The following APEX2 variants were observed in gnomAD, a reference collection of about 807,000 sequenced individuals.
The protein encoded by APEX2 is DNA-(apurinic or apyrimidinic site) endonuclease 2.
A neutral mutation model predicts 16.7 loss-of-function variants in APEX2; 4 were observed. The observed-to-expected ratio is 0.24, with a 90% CI of 0.12 to 0.55. APEX2 has a LOEUF of 0.55. APEX2 is among the 20% of genes least tolerant of loss of function. The probability of loss-of-function intolerance (pLI) is 0.94; values close to 1 mark genes in which losing one functional copy is unlikely to be tolerated. For synonymous variants in APEX2, 181 were observed against 166.9 expected (o/e 1.08, Z -0.65); for missense variants, 357 against 433.6 (o/e 0.82, Z 1.57).
intron 5 of APEX2, among the ~76,000 whole-genome samples, chrX:55,004,982 T>G (rs946472239): frequency 2.1e-4 from 23 of 111,842 alleles, no homozygotes; most frequent in Non-Finnish European, 3.8e-5. Flanking sequence ...TCATCTTTTC[T>G]TGCCTTATGT....
In APEX2 at chrX:55,003,037, G is replaced by A. The variant is rs1284805845; in HGVS notation, c.498G>A (p.Glu166=). The A allele has an allele frequency of 2.5e-6, 3 of 1,211,901 alleles. No homozygotes were observed. The highest frequency in any genetic ancestry group is 2.2e-5 in the Admixed American group (1 of 46,107). The change falls in exon 4 of 6, where the codon GAG becomes GAA. Residue 166 remains glutamate (E), a synonymous_variant. Transcript: ENST00000374987. ...YCPHADPGRP[E]RLVFKMRFYR... ...CCCATGCGGACCCTGGGAGGCCTGA[G>A]CGGCTAGTCTTTAAGATGCGCTTCT...
chrX:55,002,286 G>T lies in APEX2; in HGVS notation c.277G>T (p.Val93Leu), dbSNP rs772693542. 5 of 1,207,494 alleles carry T rather than the reference G, an allele frequency of 4.1e-6. No individual in the cohort carries two copies. Among genetic ancestry groups the T allele is most frequent in the Non-Finnish European group, 4.5e-6 (4 of 893,722 alleles). The change falls in exon 3 of 6, where the codon GTG (valine) becomes TTG (leucine). Residue 93 changes from valine (V) to leucine (L), a missense_variant. Coordinates refer to ENST00000374987, the MANE Select transcript of APEX2 (RefSeq NM_014481.4). ...ATFCKDNATP[V>L]AAEEGLSGLF... ...CTTCTGTAAGGACAATGCTACCCCAGTGGCTGCTGAAGAAGGCCTGAGTGG... is the reference window on the plus strand; with the variant it reads ...CTTCTGTAAGGACAATGCTACCCCATTGGCTGCTGAAGAAGGCCTGAGTGG...
At chrX:55,002,504 CCATGTAAA>C (rs1382952994) in intron 3 of APEX2, 73 bp downstream of exon 3, 1 of 1,080,385 alleles carries the variant, frequency 9.3e-7, no homozygotes, top group Admixed American at 3.2e-5. Flanking sequence ...CTAAGGCTTG[CCATGTAAA>C]CATACATGCA....
chrX:55,006,440 A>C, intron 5 of APEX2, 78 bp from the exon 6 acceptor site: 1 of 857,581 alleles, frequency 1.2e-6, no homozygotes, highest in Admixed American at 4.9e-5. Flanking sequence ...AAAATGCAGC[A>C]GTTAGTCTAA....
rs781296546 is a variant in APEX2 at position 55,000,394 on chromosome X, C to T, written c.-29C>T. On this transcript the variant is annotated 5_prime_UTR_variant, in exon 1 of 6. Coordinates refer to ENST00000374987, the MANE Select transcript of APEX2 (RefSeq NM_014481.4). ...CAGTTCGCTCGCGCCTAGGTTGGCGCGGGCTGGGAGGTGTTCCAGCCCTTT... is the reference window on the plus strand; with the variant it reads ...CAGTTCGCTCGCGCCTAGGTTGGCGTGGGCTGGGAGGTGTTCCAGCCCTTT... 5.3e-6 allele frequency: 6 copies of T among 1,125,042 alleles called. No individual in the cohort carries two copies. The highest frequency in any genetic ancestry group is 7.0e-6 in the Non-Finnish European group (6 of 851,618). The allele number at this position is 1,125,042 out of a possible 1,213,427, so 92.7% of individuals were successfully genotyped here. A position where few individuals can be genotyped will look rare whatever the true frequency, so the allele number is the denominator to read the frequency against.
chrX:55,007,349 C>A lies in APEX2; in HGVS notation c.1471C>A (p.Arg491Ser). The A allele has an allele frequency of 1.7e-6, 2 of 1,205,692 alleles. No individual in the cohort carries two copies. The highest frequency in any genetic ancestry group is 1.7e-5 in the African/African-American group (1 of 57,809). Residue 491 changes from arginine to serine, a missense_variant, in exon 6 of 6, where the codon CGC (arginine) becomes AGC (serine). Physicochemically the swap from Arg to Ser is moderately radical, Grantham distance 110. Coordinates refer to ENST00000374987, the MANE Select transcript of APEX2 (RefSeq NM_014481.4). ...VKKPGPNLGR[R>S]FYMCARPRGP... is the part of the protein sequence containing the mutation. ...GAAGCCAGGACCCAACTTGGGCCGC[C>A]GCTTCTACATGTGTGCCAGGCCCCG... is the stretch of plus-strand genomic sequence containing the variant.
At chrX:55,006,355 T>A (rs1419366391) in intron 5 of APEX2, among the ~76,000 whole-genome samples, 163 bp from the exon 6 acceptor site, 1 of 111,711 alleles carries the variant, frequency 9.0e-6, no homozygotes, top group African/African-American at 3.3e-5. Context: ...AAAATCAGAA[T>A]CCCAGCTCTG....
At position 55,000,387 on chromosome X, in the gene APEX2, G is replaced by C. The variant is rs747345054; in HGVS notation, c.-36G>C. The stretch of plus-strand genomic sequence containing the variant: ...CAGGAAGCAGTTCGCTCGCGCCTAG[G>C]TTGGCGCGGGCTGGGAGGTGTTCCA... On this transcript the variant is annotated 5_prime_UTR_variant, in exon 1 of 6. Coordinates refer to ENST00000374987, the MANE Select transcript of APEX2 (RefSeq NM_014481.4). 1.1e-5 allele frequency: 12 copies of C among 1,121,755 alleles called. No homozygotes were observed. Among genetic ancestry groups the C allele is most frequent in the Non-Finnish European group, 1.4e-5 (12 of 850,581 alleles). The allele number at this position is 1,121,755 out of a possible 1,213,427, so 92.4% of individuals were successfully genotyped here.
chrX:55,006,566 A>C lies in APEX2; in HGVS notation c.688A>C (p.Ser230Arg). Residue 230 changes from serine to arginine, a missense_variant, in exon 6 of 6, where the codon AGT becomes CGT. Transcript: ENST00000374987. ...PGRKWMDSLL[S>R]NLGCQSASHV... ...GCGCAAGTGGATGGACAGCTTGCTC[A>C]GTAACTTGGGGTGCCAGTCTGCCTC... The C allele has an allele frequency of 8.8e-7, 1 of 1,135,274 alleles. No individual in the cohort carries two copies. The highest frequency in any genetic ancestry group is 2.2e-5 in the South Asian group (1 of 45,323). The allele number at this position is 1,135,274 out of a possible 1,213,427, so 93.6% of individuals were successfully genotyped here.
In APEX2 at chrX:55,007,150, G is replaced by A. The variant is rs1935513025; in HGVS notation, c.1272G>A (p.Pro424=). The change falls in exon 6 of 6, where the codon CCG becomes CCA. Residue 424 remains proline (P), a synonymous_variant. Coordinates refer to ENST00000374987, the MANE Select transcript of APEX2 (RefSeq NM_014481.4). ...CACTGATGAGCGCCCTCATGACCCC[G>A]AAGACTCCAGAAGAGAAGGCAGTGG... The part of the protein sequence containing the change: ...SLPLMSALMT[P]KTPEEKAVAK... 4.1e-6 allele frequency: 5 copies of A among 1,211,647 alleles called. No homozygotes were observed. The highest frequency in any genetic ancestry group is 5.6e-6 in the Non-Finnish European group (5 of 895,473).
chrX:55,003,433 C>T (rs187140778), intron 4 of APEX2, among the ~76,000 whole-genome samples: 25 of 112,005 alleles, frequency 2.2e-4, no homozygotes, highest in Admixed American at 1.9e-3. Context: ...TGGTAAAGTG[C>T]GTGGGAGCAA....
At position 55,000,378 on chromosome X, in the gene APEX2, C is replaced by G; in HGVS notation, c.-45C>G. 3 of 1,100,911 alleles carry G rather than the reference C, an allele frequency of 2.7e-6. No individual in the cohort carries two copies. Among genetic ancestry groups the G allele is most frequent in the Non-Finnish European group, 3.6e-6 (3 of 840,640 alleles). 90.7% of individuals were successfully genotyped at this position (1,100,911 alleles called of 1,213,427 possible). On this transcript the variant is annotated 5_prime_UTR_variant, in exon 1 of 6. Coordinates refer to ENST00000374987, the MANE Select transcript of APEX2 (RefSeq NM_014481.4). Reference sequence around the variant, plus strand: ...ACTTCTGAACAGGAAGCAGTTCGCTCGCGCCTAGGTTGGCGCGGGCTGGGA... The same window carrying G: ...ACTTCTGAACAGGAAGCAGTTCGCTGGCGCCTAGGTTGGCGCGGGCTGGGA...
chrX:55,004,671 C>T, intron 5 of APEX2, among the ~76,000 whole-genome samples: 1 of 111,167 alleles, frequency 9.0e-6, no homozygotes, highest in Admixed American at 9.5e-5. Flanking sequence ...CCTGTCGGCC[C>T]GTTGTAAAAG....
rs1935418625 is a variant in APEX2 at position 55,000,410 on chromosome X, C to G, written c.-13C>G. 2 of 1,167,912 alleles carry G rather than the reference C, an allele frequency of 1.7e-6. No homozygotes were observed. Among genetic ancestry groups the G allele is most frequent in the South Asian group, 1.9e-5 (1 of 51,743 alleles). On this transcript the variant is annotated 5_prime_UTR_variant, in exon 1 of 6. Transcript: ENST00000374987. ...AGGTTGGCGCGGGCTGGGAGGTGTT[C>G]CAGCCCTTTAAGATGTTGCGCGTGG... is the stretch of plus-strand genomic sequence containing the variant.
intron 1 of APEX2, among the ~76,000 whole-genome samples, chrX:55,001,192 C>T (rs1226645176): frequency 9.2e-6 from 1 of 108,818 alleles, no homozygotes; most frequent in Non-Finnish European, 1.9e-5. Flanking sequence ...TACCTCTCAC[C>T]CTTAGCTCAG....
rs1401483442 is a variant in APEX2 at position 55,002,409 on chromosome X, C to G, written c.400C>G (p.Leu134Val). ...GGCTCTGGATAGTGAGGGCAGGGCC[C>G]TCCTCACACAGCATAAGATCCGGTA... ...LRALDSEGRALLTQHKIRTWE... is the reference protein window; with the variant it reads ...LRALDSEGRAVLTQHKIRTWE... Residue 134 changes from leucine to valine, a missense_variant, in exon 3 of 6, where the codon CTC becomes GTC. Transcript: ENST00000374987. 1 of 1,197,872 alleles carries G rather than the reference C, an allele frequency of 8.3e-7. No individual in the cohort carries two copies. Among genetic ancestry groups the G allele is most frequent in the Non-Finnish European group, 1.1e-6 (1 of 890,392 alleles).
intron 2 of APEX2, 98 bp from the exon 3 acceptor site, chrX:55,002,153 T>G: frequency 4.7e-6 from 4 of 855,501 alleles, no homozygotes; most frequent in Non-Finnish European, 6.3e-6. Flanking sequence ...TTTATGAAGA[T>G]GACTTAGATG....
In APEX2 at chrX:55,007,116, C is replaced by T; in HGVS notation, c.1238C>T (p.Pro413Leu). The change falls in exon 6 of 6, where the codon CCT (proline) becomes CTT (leucine). Residue 413 changes from proline to leucine, a missense_variant. Transcript: ENST00000374987. Reference sequence around the variant, plus strand: ...CAAGCCTCTCCTGACATAGAGCTGCCTAGCCTACCACTGATGAGCGCCCTC... The same window carrying T: ...CAAGCCTCTCCTGACATAGAGCTGCTTAGCCTACCACTGATGAGCGCCCTC... ...CPQASPDIEL[P>L]SLPLMSALMT... The T allele has an allele frequency of 8.3e-7, 1 of 1,212,058 alleles. No homozygotes were observed.
In APEX2 at chrX:55,006,676, C is replaced by T. The variant is rs762764908; in HGVS notation, c.798C>T (p.Gly266=). ...GAFTCWSAVT[G]ARHLNYGSRL... is the part of the protein sequence containing the mutation. ...TCACCTGCTGGTCAGCAGTCACTGGCGCCCGCCATCTCAACTATGGCTCCC... is the reference window on the plus strand; with the variant it reads ...TCACCTGCTGGTCAGCAGTCACTGGTGCCCGCCATCTCAACTATGGCTCCC... Residue 266 remains glycine, a synonymous_variant, in exon 6 of 6, where the codon GGC becomes GGT. Transcript: ENST00000374987. 58 of 1,163,293 alleles carry T rather than the reference C, an allele frequency of 5.0e-5. No homozygotes were observed. Among genetic ancestry groups the T allele is most frequent in the Admixed American group, 1.7e-4 (7 of 40,542 alleles).
Sources: gnomAD v4.1 joint callset for allele counts (sites outside exome capture counted in the v4.1 genomes callset) on GRCh38, gnomAD v4.1.1 for gene constraint, MANE v1.5 for transcripts, NCBI Gene and HGNC (gene_info 2026-07-23, HGNC 2026-07-21) for gene names.